HACD3: variants seen among roughly 807,000 people sequenced by gnomAD.
HACD3 encodes 3-hydroxyacyl-CoA dehydratase 3.
In HACD3, 30 loss-of-function variants were observed where a neutral mutation model predicts 55.2. The ratio of observed to expected loss-of-function variants is 0.54; its 90% CI spans 0.41 to 0.74. The LOEUF (loss-of-function observed/expected upper bound fraction) is 0.74. HACD3 is among the 30% of genes least tolerant of loss of function. The pLI, the probability that HACD3 is intolerant of heterozygous loss-of-function variation, is 0.00. For synonymous variants in HACD3, 141 were observed against 151.7 expected, an observed-to-expected ratio of 0.93 and a Z score of 0.52; for missense variants, 363 against 440.1, an observed-to-expected ratio of 0.82 and a Z score of 1.57.
At chr15:65,545,881 A>G (rs1168319695) in intron 1 of HACD3, among the ~76,000 whole-genome samples, 1 of 152,176 alleles carries the variant, frequency 6.6e-6, no homozygotes, top group African/African-American at 2.4e-5. Flanking sequence ...AGTGAATAGA[A>G]TGCTGGAGAA....
At chr15:65,567,718 A>G (rs1353964800) in intron 7 of HACD3, among the ~76,000 whole-genome samples, 1 of 152,244 alleles carries the variant, frequency 6.6e-6, no homozygotes, top group Non-Finnish European at 1.5e-5. Context: ...AGCCTTAAAA[A>G]TGAAAGAAAT....
At chr15:65,576,280 A>G (rs1023442748) in intron 10 of HACD3, 23 bp from the exon 11 acceptor site, 2 of 1,574,380 alleles carry the variant, frequency 1.3e-6, no homozygotes, top group Non-Finnish European at 8.6e-7. Flanking sequence ...TCTAATTTCT[A>G]ATTGACCTCT....
chr15:65,574,129 A>G (rs2072378106), intron 10 of HACD3: 1 of 152,216 alleles, frequency 6.6e-6, no homozygotes. Context: ...AAAACAATAA[A>G]TAGTTATTAT....
intron 1 of HACD3, 186 bp downstream of exon 1, chr15:65,530,904 C>T: frequency 1.7e-6 from 1 of 581,180 alleles, no homozygotes; most frequent in Non-Finnish European, 2.9e-6. Flanking sequence ...GGGCCGGGGG[C>T]ACAACCCCCC....
chr15:65,552,792 C>T (rs1276722633), intron 2 of HACD3, among the ~76,000 whole-genome samples: 1 of 151,732 alleles, frequency 6.6e-6, no homozygotes, highest in East Asian at 1.9e-4. Flanking sequence ...GCTGCACCCA[C>T]TAACTCGTCA....
chr15:65,563,685 A>G (rs1452622914), intron 6 of HACD3, among the ~76,000 whole-genome samples: 1 of 151,942 alleles, frequency 6.6e-6, no homozygotes, highest in East Asian at 1.9e-4. Flanking sequence ...AAATTTAGAA[A>G]GGTGGCTGTG....
intron 5 of HACD3, 102 bp from the exon 6 acceptor site, chr15:65,562,672 C>G: frequency 6.8e-7 from 1 of 1,461,886 alleles, no homozygotes; most frequent in Non-Finnish European, 9.1e-7. Flanking sequence ...TAGGAGCATT[C>G]AGGAAGGAAA....
chr15:65,537,930 C>G (rs1371152992), intron 1 of HACD3, among the ~76,000 whole-genome samples: 1 of 91,530 alleles, frequency 1.1e-5, no homozygotes, highest in African/African-American at 4.6e-5. Flanking sequence ...AGGCCAACTT[C>G]TCAGAAAAAA....
intron 2 of HACD3, among the ~76,000 whole-genome samples, chr15:65,552,142 C>T (rs746490034): frequency 6.6e-6 from 1 of 151,868 alleles, no homozygotes; most frequent in Non-Finnish European, 1.5e-5. Context: ...CTCATGGACC[C>T]GAGATTGAGA....
intron 10 of HACD3, among the ~76,000 whole-genome samples, chr15:65,573,583 G>C (rs908711921): frequency 7.5e-5 from 11 of 147,308 alleles, no homozygotes; most frequent in African/African-American, 2.8e-4. Flanking sequence ...ACTCCAGCCT[G>C]TGTGACAGAG....
chr15:65,574,955 G>A (rs985349471), intron 10 of HACD3, among the ~76,000 whole-genome samples: 1 of 152,172 alleles, frequency 6.6e-6, no homozygotes, highest in African/African-American at 2.4e-5. Context: ...AGTGAACAGG[G>A]TAGAGGGGTA....
intron 4 of HACD3, among the ~76,000 whole-genome samples, chr15:65,557,460 G>A (rs527612122): frequency 3.5e-4 from 52 of 150,404 alleles, no homozygotes; most frequent in African/African-American, 1.2e-3. Context: ...GGGCAACAGA[G>A]CGAGAGTCTC....
chr15:65,549,859 GGAGAACCAAAACTCTAAACTT>G (rs2072115449), intron 1 of HACD3, among the ~76,000 whole-genome samples: 1 of 152,144 alleles, frequency 6.6e-6, no homozygotes. Context: ...ACACAATTTA[GGAGAACCAAAACTCTAAACTT>G]GAGAACCCTC....
intron 10 of HACD3, among the ~76,000 whole-genome samples, chr15:65,573,169 A>T (rs1223540756): frequency 6.6e-6 from 1 of 152,066 alleles, no homozygotes; most frequent in African/African-American, 2.4e-5. Context: ...AAACCTGCTG[A>T]CCTATTAATT....
intron 1 of HACD3, among the ~76,000 whole-genome samples, chr15:65,542,611 A>G (rs1206012233): frequency 1.3e-5 from 2 of 152,182 alleles, no homozygotes; most frequent in South Asian, 2.1e-4. Flanking sequence ...CAAAACACGC[A>G]TATACAGAGA....
At chr15:65,555,586 G>A (rs2072181338) in intron 3 of HACD3, among the ~76,000 whole-genome samples, 1 of 152,182 alleles carries the variant, frequency 6.6e-6, no homozygotes, top group Non-Finnish European at 1.5e-5. Flanking sequence ...GTGCGCAGGT[G>A]CTCAGTTGTT....
intron 1 of HACD3, among the ~76,000 whole-genome samples, chr15:65,547,725 T>C (rs1379313316): frequency 1.3e-5 from 2 of 152,240 alleles, no homozygotes; most frequent in African/African-American, 4.8e-5. Context: ...ATGATTTGAA[T>C]GAGAAAGGAA....
chr15:65,549,017 G>A (rs1220424894), intron 1 of HACD3, among the ~76,000 whole-genome samples: 4 of 152,138 alleles, frequency 2.6e-5, no homozygotes, highest in Non-Finnish European at 5.9e-5. Flanking sequence ...GCATGGCACC[G>A]GGCCTGGCTG....
At chr15:65,543,905 G>C (rs1298631995) in intron 1 of HACD3, among the ~76,000 whole-genome samples, 42 of 152,156 alleles carry the variant, frequency 2.8e-4, no homozygotes. Flanking sequence ...GGCGGGGCGT[G>C]GTGGATCACA....
Sources: gnomAD v4.1 joint callset for allele counts (sites outside exome capture counted in the v4.1 genomes callset) on GRCh38, gnomAD v4.1.1 for gene constraint, MANE v1.5 for transcripts, NCBI Gene and HGNC (gene_info 2026-07-23, HGNC 2026-07-21) for gene names.